Variants in SPATA18 observed in about 807,000 individuals in gnomAD.
The protein encoded by SPATA18 is mitochondria-eating protein.
SPATA18 carries 54 observed loss-of-function variants against 68.1 expected under a neutral mutation model. That is an observed-to-expected ratio of 0.79 (90% CI 0.64 to 0.99). The LOEUF (loss-of-function observed/expected upper bound fraction) is 0.99. Ranked by LOEUF, SPATA18 falls within the 50% of genes least tolerant of loss-of-function variation. The pLI is 0.00. For missense variants in SPATA18, 724 were observed against 681.1 expected (o/e 1.06, Z -0.70); for synonymous variants, 242 against 244.8 (o/e 0.99, Z 0.11).
intron 9 of SPATA18, among the ~76,000 whole-genome samples, chr4:52,080,546 A>G (rs1740834668): frequency 9.2e-5 from 14 of 152,214 alleles, no homozygotes; most frequent in Admixed American, 9.2e-4. Context: ...ATCACAGGAT[A>G]TAGCTGGAGA....
rs200052659 is a variant in SPATA18, at chr4:52,071,993, G to C, written c.595G>C (p.Glu199Gln). 2 of 1,613,980 alleles carry C rather than the reference G, an allele frequency of 1.2e-6. No homozygotes were observed. Among genetic ancestry groups the C allele is most frequent in the Non-Finnish European group, 8.5e-7 (1 of 1,180,002 alleles). ...GAGGAGCTCAGAGAATAGGCGGTCA[G>C]AGCCTTGGAGCTTGGAGGAGCGGAA... ...DQRSSENRRSEPWSLEERKRE... is the reference protein window; with the variant it reads ...DQRSSENRRSQPWSLEERKRE... The change falls in exon 6 of 13, where the codon GAG becomes CAG. Residue 199 changes from glutamate (E) to glutamine (Q), a missense_variant. Transcript: ENST00000295213.
intron 1 of SPATA18, among the ~76,000 whole-genome samples, chr4:52,059,022 C>T (rs1560582081): frequency 6.6e-6 from 1 of 152,142 alleles, no homozygotes; most frequent in Non-Finnish European, 1.5e-5. Flanking sequence ...GTGAGTGAAT[C>T]ATCTCATTTA....
chr4:52,070,525 G>T (rs1358284585), intron 5 of SPATA18, among the ~76,000 whole-genome samples: 1 of 149,770 alleles, frequency 6.7e-6, no homozygotes, highest in East Asian at 2.0e-4. Flanking sequence ...CACACTCTGG[G>T]GACTGTTGTG....
intron 1 of SPATA18, among the ~76,000 whole-genome samples, chr4:52,053,462 T>C (rs1209295773): frequency 6.6e-6 from 1 of 152,062 alleles, no homozygotes; most frequent in Non-Finnish European, 1.5e-5. Context: ...CCTGTATTCT[T>C]CCCCCTCCAC....
chr4:52,094,908 T>G lies in SPATA18; in HGVS notation c.*21T>G, dbSNP rs779013232. ...TTTAAAAGCACCAGACCTGCTCCTT[T>G]GACCCAGTGCGTGGAAACAGCTGCT... is the stretch of plus-strand genomic sequence containing the variant. On this transcript the variant is annotated 3_prime_UTR_variant, in exon 13 of 13. Transcript: ENST00000295213. 1.2e-6 allele frequency: 2 copies of G among 1,614,096 alleles called. No individual in the cohort carries two copies. Among genetic ancestry groups the G allele is most frequent in the South Asian group, 2.2e-5 (2 of 91,088 alleles).
chr4:52,079,886 A>G lies in SPATA18; in HGVS notation c.1322A>G (p.Tyr441Cys), dbSNP rs1273408839. Residue 441 changes from tyrosine to cysteine, a missense_variant, in exon 9 of 13, where the codon TAT becomes TGT. By Grantham distance (194) the Tyr-to-Cys change is radical (BLOSUM62 -2). Transcript: ENST00000295213. ...TTAGAACCACCCCTAGATATTGCAT[A>G]TGGAGCAGATGGAGAAGTTTTTAAT... The part of the protein sequence containing the change: ...QALEPPLDIA[Y>C]GADGEVFNDC... 2 of 1,613,282 alleles carry G rather than the reference A, an allele frequency of 1.2e-6. No individual in the cohort carries two copies. Among genetic ancestry groups the G allele is most frequent in the African/African-American group, 1.3e-5 (1 of 74,904 alleles).
chr4:52,078,657 ATTCT>A (rs1477770338), intron 7 of SPATA18, 74 bp from the exon 8 acceptor site: 40 of 1,331,084 alleles, frequency 3.0e-5, no homozygotes, highest in Non-Finnish European at 5.0e-6. Flanking sequence ...TGAAGCTCGG[ATTCT>A]TTCTAATTCC....
intron 11 of SPATA18, among the ~76,000 whole-genome samples, chr4:52,090,833 G>T (rs370244422): frequency 6.6e-6 from 1 of 152,090 alleles, no homozygotes; most frequent in South Asian, 2.1e-4. Context: ...ATCTTGGCCT[G>T]TCTTGCTTGG....
intron 9 of SPATA18, among the ~76,000 whole-genome samples, chr4:52,080,201 T>C (rs1740801440): frequency 6.6e-6 from 1 of 152,220 alleles, no homozygotes; most frequent in Admixed American, 6.5e-5. Context: ...GTGCATTACT[T>C]TCTATTGGTT....
At position 52,088,682 on chromosome 4, in the gene SPATA18, G is replaced by A. The variant is rs528261535; in HGVS notation, c.1563+3683G>A. 5.9e-5 allele frequency among the ~76,000 whole-genome samples: 9 copies of A among 152,226 alleles called. No homozygotes were observed. In the East Asian group the frequency reaches 1.7e-3, roughly 29 times the overall value. On this transcript the variant is annotated intron_variant, in intron 11 of 12. Coordinates refer to ENST00000295213, the MANE Select transcript of SPATA18 (RefSeq NM_145263.4). Reference sequence around the variant, plus strand: ...TTTGATGTGCTGCTGGATTCAGTTTGCCAGTATTTTATTGAGGATTTTTGC... The same window carrying A: ...TTTGATGTGCTGCTGGATTCAGTTTACCAGTATTTTATTGAGGATTTTTGC...
At chr4:52,066,548 G>A (rs1739332308) in intron 4 of SPATA18, among the ~76,000 whole-genome samples, 1 of 152,078 alleles carries the variant, frequency 6.6e-6, no homozygotes, top group South Asian at 2.1e-4. Context: ...GGATGTGCAG[G>A]TTTGTTATAT....
At chr4:52,070,987 C>T (rs1400834758) in intron 5 of SPATA18, among the ~76,000 whole-genome samples, 1 of 152,000 alleles carries the variant, frequency 6.6e-6, no homozygotes, top group Non-Finnish European at 1.5e-5. Context: ...CAAATCTTAA[C>T]TAGGAACACT....
rs553607317 is a variant in SPATA18, at chr4:52,095,150, C to A, written c.*263C>A. 7.9e-6 allele frequency: 4 copies of A among 505,910 alleles called. No individual in the cohort carries two copies. In the South Asian group the frequency reaches 1.3e-4, roughly 16 times the overall value. The allele number at this position is 505,910 out of a possible 1,614,324, so 31.3% of individuals were successfully genotyped here. A position where few individuals can be genotyped will look rare whatever the true frequency, so the allele number is the denominator to read the frequency against. On this transcript the variant is annotated 3_prime_UTR_variant, in exon 13 of 13. Coordinates refer to ENST00000295213, the MANE Select transcript of SPATA18 (RefSeq NM_145263.4). Reference sequence around the variant, plus strand: ...ATAGGCATTTAGGATCATATTCATTCGAAGCAAAGTCCGTTACAAAGGTTC... The same window carrying A: ...ATAGGCATTTAGGATCATATTCATTAGAAGCAAAGTCCGTTACAAAGGTTC...
intron 1 of SPATA18, among the ~76,000 whole-genome samples, chr4:52,057,880 T>G (rs947365062): frequency 3.3e-5 from 5 of 152,170 alleles, no homozygotes; most frequent in Non-Finnish European, 7.3e-5. Context: ...ATTATCCCCA[T>G]TGCATGGGAG....
chr4:52,052,494 A>G (rs964558375), intron 1 of SPATA18, among the ~76,000 whole-genome samples: 7 of 152,028 alleles, frequency 4.6e-5, no homozygotes, highest in African/African-American at 1.7e-4. Flanking sequence ...CCTTCCCCCA[A>G]ATAGAACGGT....
chr4:52,069,825 G>T lies in SPATA18; in HGVS notation c.427G>T (p.Val143Phe). The change falls in exon 5 of 13, where the codon GTT (valine) becomes TTT (phenylalanine). Residue 143 changes from valine (V) to phenylalanine (F), a missense_variant. Coordinates refer to ENST00000295213, the MANE Select transcript of SPATA18 (RefSeq NM_145263.4). ...SQCNQVQDDLVETEKNLEESK... is the reference protein window; with the variant it reads ...SQCNQVQDDLFETEKNLEESK... ...AGTTACTGATTTATCTTACAGTCTG[G>T]TTGAAACTGAAAAGAATCTTGAAGA... is the stretch of plus-strand genomic sequence containing the variant. 1 of 1,571,798 alleles carries T rather than the reference G, an allele frequency of 6.4e-7. No homozygotes were observed. Among genetic ancestry groups the T allele is most frequent in the Non-Finnish European group, 8.7e-7 (1 of 1,154,232 alleles).
Position 52,094,988 on chromosome 4 carries a change from A to C in SPATA18, c.*101A>C. The C allele has an allele frequency of 1.4e-6, 2 of 1,429,416 alleles. No individual in the cohort carries two copies. Among genetic ancestry groups the C allele is most frequent in the Non-Finnish European group, 2.0e-6 (2 of 1,013,242 alleles). The allele number at this position is 1,429,416 out of a possible 1,614,324, so 88.5% of individuals were successfully genotyped here. ...TCTGCCTCAGACCTCACTTAAGATA[A>C]TGTCAAAAGGCAATTCTGTGTATCA... On this transcript the variant is annotated 3_prime_UTR_variant, in exon 13 of 13. Transcript: ENST00000295213.
chr4:52,067,193 C>T lies in SPATA18; in HGVS notation c.423-2628C>T, dbSNP rs543909413. On this transcript the variant is annotated intron_variant, in intron 4 of 12. Transcript: ENST00000295213. The stretch of plus-strand genomic sequence containing the variant: ...TCTTGACTTTTTAATAATCGCCATT[C>T]TGACTAGCATGAGATGGTATCTCAT... Among the ~76,000 whole-genome samples, 25 of 152,266 alleles carry T rather than the reference C, an allele frequency of 1.6e-4. No individual in the cohort carries two copies. In the Middle Eastern group the frequency reaches 0.017, roughly 104 times the overall value.
At chr4:52,077,422 C>CTCCT (rs1201740693) in intron 7 of SPATA18, among the ~76,000 whole-genome samples, 2 of 133,002 alleles carry the variant, frequency 1.5e-5, no homozygotes, top group South Asian at 4.8e-4. Flanking sequence ...CTTCCTCTCT[C>CTCCT]TCCTTCCTTC....
Sources: gnomAD v4.1 joint callset for allele counts (sites outside exome capture counted in the v4.1 genomes callset) on GRCh38, gnomAD v4.1.1 for gene constraint, MANE v1.5 for transcripts, NCBI Gene and HGNC (gene_info 2026-07-23, HGNC 2026-07-21) for gene names.